The following NFATC2 variants were observed in gnomAD, a reference collection of about 807,000 sequenced individuals.
The protein encoded by NFATC2 is nuclear factor of activated T-cells, cytoplasmic 2.
NFATC2 carries 22 observed loss-of-function variants against 87.3 expected under a neutral mutation model. The observed-to-expected ratio is 0.25, with a 90% CI of 0.18 to 0.36. NFATC2 has a LOEUF of 0.36. NFATC2 is among the 10% of genes least tolerant of loss of function. The pLI, the probability that NFATC2 is intolerant of heterozygous loss-of-function variation, is 1.00. For missense variants in NFATC2, 1,149 were observed against 1,259.1 expected (o/e 0.91, Z 1.32); for synonymous variants, 565 against 542.2 (o/e 1.04, Z -0.58).
At chr20:51,427,464 C>T (rs550955635) in intron 9 of NFATC2, among the ~76,000 whole-genome samples, 4 of 152,300 alleles carry the variant, frequency 2.6e-5, no homozygotes, top group Admixed American at 1.3e-4. Context: ...ACAGGGCCTG[C>T]GGGGCACACT....
chr20:51,486,396 C>T (rs1487390051), intron 3 of NFATC2, among the ~76,000 whole-genome samples: 1 of 152,308 alleles, frequency 6.6e-6, no homozygotes, highest in South Asian at 2.1e-4. Context: ...TGCCCTTGGC[C>T]TAGAACATTC....
intron 3 of NFATC2, among the ~76,000 whole-genome samples, chr20:51,477,115 A>T (rs1385460555): frequency 6.6e-6 from 1 of 152,172 alleles, no homozygotes; most frequent in Non-Finnish European, 1.5e-5. Context: ...CAGAATAATG[A>T]ACAATGAGTT....
Position 51,475,374 on chromosome 20 carries a change from A to G in NFATC2, c.1535+84T>C. ...CAACAGCTGCTTCCATCAGTTCTGT[A>G]GAGTCCCCTCTCCCAAATCCCTGCC... is the stretch of plus-strand genomic sequence containing the variant. On this transcript the variant is annotated intron_variant, in intron 4 of 10. Transcript: ENST00000371564. 4 of 1,311,674 alleles carry G rather than the reference A, an allele frequency of 3.0e-6. No homozygotes were observed. In the South Asian group the frequency reaches 4.8e-5, roughly 16 times the overall value. The allele number at this position is 1,311,674 out of a possible 1,614,324, so 81.3% of individuals were successfully genotyped here.
At chr20:51,406,760 A>G (rs1259360173) in intron 9 of NFATC2, among the ~76,000 whole-genome samples, 1 of 152,158 alleles carries the variant, frequency 6.6e-6, no homozygotes, top group Non-Finnish European at 1.5e-5. Flanking sequence ...CATCCTCTCT[A>G]GAGAGGGTGT....
chr20:51,486,457 C>T (rs1989717533), intron 3 of NFATC2, among the ~76,000 whole-genome samples: 1 of 152,174 alleles, frequency 6.6e-6, no homozygotes, highest in Admixed American at 6.5e-5. Context: ...CAGGTCTCAG[C>T]CTAAATGCAG....
rs1033919372 is a variant in NFATC2, at chr20:51,389,558, C to G, written c.*1938G>C. ...CAGAAGTTCCATGGTAGGGGTCAAC[C>G]TCTTACTGGCATTCTGTTTATTTAA... is the stretch of plus-strand genomic sequence containing the variant. On this transcript the variant is annotated 3_prime_UTR_variant, in exon 11 of 11. Coordinates refer to ENST00000371564, the MANE Select transcript of NFATC2 (RefSeq NM_012340.5). The G allele has an allele frequency of 7.9e-5, 12 of 152,168 alleles. No homozygotes were observed. Among genetic ancestry groups the G allele is most frequent in the Non-Finnish European group, 1.2e-4 (8 of 68,038 alleles). 9.4% of individuals were successfully genotyped at this position (152,168 alleles called of 1,614,324 possible).
chr20:51,478,405 G>T (rs1425156878), intron 3 of NFATC2, among the ~76,000 whole-genome samples: 1 of 152,168 alleles, frequency 6.6e-6, no homozygotes, highest in African/African-American at 2.4e-5. Context: ...TGATGATGTG[G>T]AGCTGTTTCC....
upstream of NFATC2, among the ~76,000 whole-genome samples, chr20:51,545,468 T>C (rs1452231335): frequency 6.6e-6 from 1 of 152,218 alleles, no homozygotes; most frequent in Non-Finnish European, 1.5e-5. Flanking sequence ...TGAGATCCAC[T>C]AAGGCAGGGG....
At chr20:51,473,274 C>A (rs1342275108) in intron 5 of NFATC2, among the ~76,000 whole-genome samples, 1 of 152,166 alleles carries the variant, frequency 6.6e-6, no homozygotes, top group East Asian at 1.9e-4. Flanking sequence ...CTATGGATCC[C>A]CAACCCCTGG....
At chr20:51,414,378 C>G (rs1265804236) in intron 9 of NFATC2, among the ~76,000 whole-genome samples, 1 of 152,210 alleles carries the variant, frequency 6.6e-6, no homozygotes. Flanking sequence ...CCTTGGAACG[C>G]TGGCCAGATT....
At chr20:51,457,636 C>CTAATCCAGCT (rs1266635668) in intron 5 of NFATC2, among the ~76,000 whole-genome samples, 1 of 11,796 alleles carries the variant, frequency 8.5e-5, no homozygotes, top group Admixed American at 1.1e-3. Context: ...AGAGAAAACA[C>CTAATCCAGCT]GCCTTTAGCT....
At position 51,524,105 on chromosome 20, in the gene NFATC2, G is replaced by A. The variant is rs1275310197; in HGVS notation, c.136C>T (p.Pro46Ser). 2.7e-6 allele frequency: 4 copies of A among 1,457,810 alleles called. No individual in the cohort carries two copies. The highest frequency in any genetic ancestry group is 3.6e-6 in the Non-Finnish European group (4 of 1,107,706). 90.3% of individuals were successfully genotyped at this position (1,457,810 alleles called of 1,614,324 possible). The change falls in exon 2 of 11, where the codon CCG becomes TCG. Residue 46 changes from proline (P) to serine (S), a missense_variant. Pro to Ser is a moderately conservative substitution (Grantham distance 74). Transcript: ENST00000371564. This position sits in a 1 kb window ranked among gnomAD's most constrained non-coding sequence, Gnocchi z 4.0. ...YEYLNPNEEE[P>S]NAHKVASPPS... ...GGGCTGGCGACCTTATGTGCATTCG[G>A]CTCTTCTGGAAAGAGAAGGGGGAAG...
At chr20:51,418,348 T>A (rs1379308285) in intron 9 of NFATC2, among the ~76,000 whole-genome samples, 2 of 152,234 alleles carry the variant, frequency 1.3e-5, no homozygotes, top group Non-Finnish European at 2.9e-5. Context: ...TACTTGGCAG[T>A]ATCTGCAGAC....
intron 3 of NFATC2, among the ~76,000 whole-genome samples, chr20:51,499,273 C>A (rs58081719): frequency 2.0e-5 from 3 of 152,120 alleles, no homozygotes; most frequent in African/African-American, 7.2e-5. Context: ...GTCACCCAGA[C>A]AAGAGATGAT....
chr20:51,446,114 T>C (rs1225044850), intron 6 of NFATC2, among the ~76,000 whole-genome samples: 1 of 151,968 alleles, frequency 6.6e-6, no homozygotes, highest in Non-Finnish European at 1.5e-5. Flanking sequence ...ATCCGTAAAA[T>C]GGGAAGGGGA....
chr20:51,503,266 A>C (rs1054248687), intron 3 of NFATC2, among the ~76,000 whole-genome samples: 1 of 152,194 alleles, frequency 6.6e-6, no homozygotes, highest in Non-Finnish European at 1.5e-5. Context: ...TTATGAAAGA[A>C]ACTAGAGCAG....
chr20:51,499,437 T>A (rs932085609), intron 3 of NFATC2, among the ~76,000 whole-genome samples: 6 of 151,816 alleles, frequency 4.0e-5, no homozygotes, highest in Non-Finnish European at 7.4e-5. Flanking sequence ...GAGAAGCAGA[T>A]GAGAAAGAGA....
intron 9 of NFATC2, among the ~76,000 whole-genome samples, chr20:51,402,642 G>T (rs1027563237): frequency 1.3e-5 from 2 of 152,244 alleles, no homozygotes; most frequent in Non-Finnish European, 2.9e-5. Flanking sequence ...CCCTCTGGGG[G>T]TTAGAGGAAT....
chr20:51,457,781 C>T (rs1335612295), intron 5 of NFATC2, among the ~76,000 whole-genome samples: 1 of 152,078 alleles, frequency 6.6e-6, no homozygotes, highest in Non-Finnish European at 1.5e-5. Context: ...ACAAGGAGCC[C>T]ATGTGATTCT....
Sources: allele counts gnomAD v4.1 joint callset (sites outside exome capture counted in the v4.1 genomes callset), GRCh38; gene constraint gnomAD v4.1.1; non-coding constraint Gnocchi (gnomAD v3.1); transcripts MANE v1.5; gene names NCBI Gene and HGNC (gene_info 2026-07-23, HGNC 2026-07-21).